DHRS7C: variants seen among roughly 807,000 people sequenced by gnomAD.
DHRS7C encodes the protein dehydrogenase/reductase SDR family member 7C.
DHRS7C carries 28 observed loss-of-function variants against 29.6 expected under a neutral mutation model. The observed-to-expected ratio is 0.95, with a 90% CI of 0.70 to 1.30. The LOEUF is 1.30. DHRS7C is among the 50% of genes most tolerant of loss of function. The pLI, the probability that DHRS7C is intolerant of heterozygous loss-of-function variation, is 0.00. For synonymous variants in DHRS7C, 158 were observed against 160.2 expected (o/e 0.99, Z 0.10); for missense variants, 403 against 393.3 (o/e 1.02, Z -0.21).
At position 9,779,815 on chromosome 17, in the gene DHRS7C, C is replaced by T. The variant is rs1452469173; in HGVS notation, c.478+10G>A. On this transcript the variant is annotated intron_variant, in intron 3 of 5. Transcript: ENST00000571134. ...CCCAGATACCCATGGGAAAGTCAAACTCACGAGACCTTTCGTCAATGTGAT... is the reference window on the plus strand; with the variant it reads ...CCCAGATACCCATGGGAAAGTCAAATTCACGAGACCTTTCGTCAATGTGAT... The T allele has an allele frequency of 6.2e-7, 1 of 1,607,650 alleles. No homozygotes were observed. The highest frequency in any genetic ancestry group is 8.5e-7 in the Non-Finnish European group (1 of 1,176,842).
intron 1 of DHRS7C, among the ~76,000 whole-genome samples, chr17:9,787,800 C>G (rs1257261736): frequency 6.6e-6 from 1 of 151,992 alleles, no homozygotes. Context: ...CTCCGCCTCC[C>G]GGGCTCAAAC....
At chr17:9,783,611 G>A (rs991861344) in intron 1 of DHRS7C, among the ~76,000 whole-genome samples, 1 of 152,202 alleles carries the variant, frequency 6.6e-6, no homozygotes, top group Non-Finnish European at 1.5e-5. Flanking sequence ...GTCAGGTATT[G>A]AGGAGAATTT....
Position 9,779,967 on chromosome 17 carries a change from T to C in DHRS7C, c.336A>G (p.Glu112=), listed in dbSNP as rs763331362. Residue 112 remains glutamate, a synonymous_variant, in exon 3 of 6, where the codon GAA becomes GAG. Coordinates refer to ENST00000571134, the MANE Select transcript of DHRS7C (RefSeq NM_001105571.3). The stretch of plus-strand genomic sequence containing the variant: ...CCACACAGCCATAGCAATCCAGGAC[T>C]TCTTTTGCCACATCTGGGACACAGC... ...DISCVPDVAK[E]VLDCYGCVDI... 1.2e-6 allele frequency: 2 copies of C among 1,613,936 alleles called. No individual in the cohort carries two copies. The highest frequency in any genetic ancestry group is 1.7e-6 in the Non-Finnish European group (2 of 1,179,888).
intron 4 of DHRS7C, among the ~76,000 whole-genome samples, chr17:9,776,518 T>C (rs1451283166): frequency 6.6e-6 from 1 of 152,160 alleles, no homozygotes; most frequent in Non-Finnish European, 1.5e-5. Context: ...ATCAAACATT[T>C]ACTGAGCCCC....
At chr17:9,790,482 G>A (rs1422873419) in intron 1 of DHRS7C, among the ~76,000 whole-genome samples, 1 of 152,204 alleles carries the variant, frequency 6.6e-6, no homozygotes, top group African/African-American at 2.4e-5. Flanking sequence ...GCCAGAAAGT[G>A]TAATGATTGA....
rs780828876 is a variant in DHRS7C, at chr17:9,771,540, G to A, written c.884C>T (p.Ala295Val). The change falls in exon 6 of 6, where the codon GCC becomes GTC. Residue 295 changes from alanine (A) to valine (V), a missense_variant. Coordinates refer to ENST00000571134, the MANE Select transcript of DHRS7C (RefSeq NM_001105571.3). ...VRTFFPEFFF[A>V]VVACGVKEKL... Reference sequence around the variant, plus strand: ...CTCCTTCACCCCACAGGCCACCACGGCGAAAAAGAACTCCGGGAAGAAGGT... The same window carrying A: ...CTCCTTCACCCCACAGGCCACCACGACGAAAAAGAACTCCGGGAAGAAGGT... The A allele has an allele frequency of 6.3e-7, 1 of 1,589,054 alleles. No homozygotes were observed. The highest frequency in any genetic ancestry group is 8.6e-7 in the Non-Finnish European group (1 of 1,165,608).
chr17:9,777,134 T>A (rs2272033), intron 4 of DHRS7C, 59 bp downstream of exon 4: 1 of 1,437,070 alleles, frequency 7.0e-7, no homozygotes, highest in Non-Finnish European at 9.6e-7. Flanking sequence ...ATAACAGCTC[T>A]TGCCTTATAC....
intron 2 of DHRS7C, among the ~76,000 whole-genome samples, chr17:9,781,242 A>C (rs553478700): frequency 3.0e-3 from 462 of 152,334 alleles, no homozygotes; most frequent in Non-Finnish European, 5.0e-3. Flanking sequence ...TTTGAGTTAC[A>C]TAGGGTCAGG....
In DHRS7C at chr17:9,774,928, T is replaced by C. The variant is rs1401446951; in HGVS notation, c.572-2006A>G. On this transcript the variant is annotated intron_variant, in intron 4 of 5. Transcript: ENST00000571134. The surrounding 1 kb of genome is among the most constrained non-coding windows in gnomAD (Gnocchi z 5.0). ...ACATGGGAAACTCTGTGCCCCTCAA[T>C]TCCTCAGCTTCAGAGAAGCCAGACC... Among the ~76,000 whole-genome samples the C allele has an allele frequency of 6.6e-6, 1 of 152,190 alleles. No homozygotes were observed. Among genetic ancestry groups the C allele is most frequent in the African/African-American group, 2.4e-5 (1 of 41,446 alleles).
chr17:9,781,695 G>T, intron 1 of DHRS7C, 101 bp from the exon 2 acceptor site: 2 of 1,157,694 alleles, frequency 1.7e-6, no homozygotes, highest in African/African-American at 1.5e-5. Flanking sequence ...AAACTCAGAA[G>T]TCTTAGCACC....
chr17:9,777,885 T>C (rs2066371257), intron 3 of DHRS7C, among the ~76,000 whole-genome samples: 1 of 152,224 alleles, frequency 6.6e-6, no homozygotes, highest in Admixed American at 6.5e-5. Context: ...GGTTGTCCTT[T>C]ATTTACTGAG....
intron 2 of DHRS7C, 63 bp downstream of exon 2, chr17:9,781,419 G>T: frequency 6.6e-7 from 1 of 1,512,584 alleles, no homozygotes; most frequent in Non-Finnish European, 9.1e-7. Context: ...AGCTGGTCCT[G>T]AACAATCAAT....
chr17:9,790,824 G>T (rs1410727985), intron 1 of DHRS7C, among the ~76,000 whole-genome samples: 1 of 152,144 alleles, frequency 6.6e-6, no homozygotes, highest in African/African-American at 2.4e-5. Flanking sequence ...CCAGCTAAAG[G>T]CTTTGAATTT....
chr17:9,771,740 G>A, intron 5 of DHRS7C, 44 bp from the exon 6 acceptor site: 2 of 1,370,796 alleles, frequency 1.5e-6, no homozygotes, highest in Non-Finnish European at 1.9e-6. Context: ...CCTCCGTGGG[G>A]ACCCGGCTGG....
In DHRS7C at chr17:9,775,963, A is replaced by G. The variant is rs2066360079; in HGVS notation, c.571+1230T>C. ...ACGCCTGTAATCCCAGCACTTTGGG[A>G]GGTCAAGGCGGGTGAATCACCAGAG... On this transcript the variant is annotated intron_variant, in intron 4 of 5. Coordinates refer to ENST00000571134, the MANE Select transcript of DHRS7C (RefSeq NM_001105571.3). The surrounding 1 kb of genome is among the most constrained non-coding windows in gnomAD (Gnocchi z 4.2). Among the ~76,000 whole-genome samples, 1 of 152,194 alleles carries G rather than the reference A, an allele frequency of 6.6e-6. No homozygotes were observed. Among genetic ancestry groups the G allele is most frequent in the Admixed American group, 6.5e-5 (1 of 15,280 alleles).
At chr17:9,783,436 G>C (rs1256364025) in intron 1 of DHRS7C, among the ~76,000 whole-genome samples, 2 of 152,126 alleles carry the variant, frequency 1.3e-5, no homozygotes, top group Admixed American at 1.3e-4. Flanking sequence ...ATGACAGAAA[G>C]ATCCTACACT....
In DHRS7C at chr17:9,791,351, A is replaced by C. The variant is rs1181827711; in HGVS notation, c.-67T>G. On this transcript the variant is annotated 5_prime_UTR_variant, in exon 1 of 6. Transcript: ENST00000571134. The stretch of plus-strand genomic sequence containing the variant: ...CAAAGAGACGCTGATCAGGACTCCC[A>C]GGGCAGGGGGAGGCCCAAGGCTGCA... 6.4e-7 allele frequency: 1 copy of C among 1,564,582 alleles called. No individual in the cohort carries two copies. The highest frequency in any genetic ancestry group is 8.7e-7 in the Non-Finnish European group (1 of 1,152,948).
At chr17:9,784,899 G>C (rs1227373165) in intron 1 of DHRS7C, among the ~76,000 whole-genome samples, 1 of 152,168 alleles carries the variant, frequency 6.6e-6, no homozygotes, top group Non-Finnish European at 1.5e-5. Flanking sequence ...AACGAAGTTC[G>C]CAATAGAGTA....
chr17:9,777,931 C>A (rs2066371476), intron 3 of DHRS7C, among the ~76,000 whole-genome samples: 1 of 152,124 alleles, frequency 6.6e-6, no homozygotes, highest in African/African-American at 2.4e-5. Flanking sequence ...TGGTTTTATA[C>A]AGATTTCCTC....
Sources: gnomAD v4.1 joint callset for allele counts (sites outside exome capture counted in the v4.1 genomes callset) on GRCh38, gnomAD v4.1.1 for gene constraint, Gnocchi (gnomAD v3.1) non-coding constraint, MANE v1.5 for transcripts, NCBI Gene and HGNC (gene_info 2026-07-23, HGNC 2026-07-21) for gene names.